Variants in ATXN7L3 observed in about 807,000 individuals in gnomAD.
ATXN7L3 encodes the protein ataxin 7 like 3.
ATXN7L3 carries 6 observed loss-of-function variants against 50.0 expected under a neutral mutation model. The observed-to-expected ratio is 0.12, with a 90% CI of 0.07 to 0.24. The LOEUF is 0.24. ATXN7L3 is among the 10% of genes least tolerant of loss of function. The pLI is 1.00. For synonymous variants in ATXN7L3, 198 were observed against 165.8 expected (o/e 1.19, Z -1.49); for missense variants, 322 against 451.3 (o/e 0.71, Z 2.60).
chr17:44,195,906 A>AG (rs567691192), intron 7 of ATXN7L3, 78 bp from the exon 8 acceptor site: 1 of 1,572,010 alleles, frequency 6.4e-7, no homozygotes, highest in South Asian at 1.2e-5. Context: ...CCAGAGAGGA[A>AG]GTGGGGGTGA....
intron 1 of ATXN7L3, 31 bp from the exon 2 acceptor site, chr17:44,198,161 G>A: frequency 7.6e-7 from 1 of 1,319,548 alleles, no homozygotes; most frequent in Non-Finnish European, 1.1e-6. Context: ...GTGTTGTTGT[G>A]AGTCCAAGGC....
rs1208163172 is a variant in ATXN7L3, at chr17:44,199,831, A to AGC, written c.-398_-397dup. 12 of 142,066 alleles carry AGC rather than the reference A, an allele frequency of 8.4e-5. No individual in the cohort carries two copies. Among genetic ancestry groups the AGC allele is most frequent in the African/African-American group, 1.6e-4 (6 of 37,958 alleles). 8.8% of individuals were successfully genotyped at this position (142,066 alleles called of 1,614,324 possible). A position where few individuals can be genotyped will look rare whatever the true frequency, so the allele number is the denominator to read the frequency against. On this transcript the variant is annotated 5_prime_UTR_variant, in exon 1 of 13. Coordinates refer to ENST00000587097, the MANE Select transcript of ATXN7L3 (RefSeq NM_001382309.1). ...GGCGGGGGGTGCGGCGCGAGCCCGG[A>AGC]GCGCGCGCGCGTGTGCCGCGACCGG...
Position 44,194,324 on chromosome 17 carries a change from T to C in ATXN7L3, c.983A>G (p.Lys328Arg). The change falls in exon 13 of 13, where the codon AAG becomes AGG. Residue 328 changes from lysine (K) to arginine (R), a missense_variant. Physicochemically the swap from Lys to Arg is conservative, Grantham distance 26. Coordinates refer to ENST00000587097, the MANE Select transcript of ATXN7L3 (RefSeq NM_001382309.1). ...VGTASGLGSN[K>R]KKKPKPPAPP... ...TGCCGGTGGCTTTGGCTTCTTCTTC[T>C]TGTTGGAACCTAGGCCGGAGGCAGT... 1 of 1,614,216 alleles carries C rather than the reference T, an allele frequency of 6.2e-7. No individual in the cohort carries two copies. Among genetic ancestry groups the C allele is most frequent in the South Asian group, 1.1e-5 (1 of 91,086 alleles).
intron 3 of ATXN7L3, 48 bp downstream of exon 3, chr17:44,197,550 C>A (rs767715062): frequency 6.2e-7 from 1 of 1,612,670 alleles, no homozygotes; most frequent in Non-Finnish European, 8.5e-7. Context: ...AAACTCCAGG[C>A]AGTCCCAGGG....
intron 1 of ATXN7L3, chr17:44,199,050 C>G (rs1349552913): frequency 6.6e-6 from 1 of 152,604 alleles, no homozygotes; most frequent in African/African-American, 2.4e-5. Context: ...TGCGGCACTG[C>G]TGCTGCATCA....
intron 1 of ATXN7L3, chr17:44,198,497 T>A (rs575948814): frequency 5.7e-6 from 1 of 176,330 alleles, no homozygotes; most frequent in Non-Finnish European, 1.2e-5. Context: ...GGCAAAGAAC[T>A]GCACAGACTC....
chr17:44,195,348 C>T lies in ATXN7L3; in HGVS notation c.621+71G>A, dbSNP rs1385414288. 2.2e-5 allele frequency: 33 copies of T among 1,515,510 alleles called. No individual in the cohort carries two copies. In the Admixed American group the frequency reaches 5.4e-4, roughly 25 times the overall value. The allele number at this position is 1,515,510 out of a possible 1,614,324, so 93.9% of individuals were successfully genotyped here. On this transcript the variant is annotated intron_variant, in intron 9 of 12. Coordinates refer to ENST00000587097, the MANE Select transcript of ATXN7L3 (RefSeq NM_001382309.1). ...TGACTGCTAGGTCACCAGCTTCCTC[C>T]CAGGCCTTGACCACTGCCTATGGCT...
At chr17:44,196,326 A>T (rs369506993) in intron 6 of ATXN7L3, 70 bp downstream of exon 6, 2 of 1,587,814 alleles carry the variant, frequency 1.3e-6, no homozygotes, top group African/African-American at 2.7e-5. Context: ...ACACTCGAGG[A>T]CTCCCTGCCC....
intron 5 of ATXN7L3, 109 bp downstream of exon 5, chr17:44,196,820 T>G: frequency 1.9e-6 from 1 of 538,266 alleles, no homozygotes; most frequent in East Asian, 4.2e-5. Flanking sequence ...ATCGCGTAAC[T>G]ACACTCTCTC....
intron 2 of ATXN7L3, 91 bp from the exon 3 acceptor site, chr17:44,197,821 A>C (rs1342881626): frequency 2.5e-6 from 4 of 1,580,574 alleles, no homozygotes; most frequent in Non-Finnish European, 3.5e-6. Context: ...GCCCCAGCCA[A>C]AAATCATGCT....
At position 44,196,991 on chromosome 17, in the gene ATXN7L3, C is replaced by T; in HGVS notation, c.392G>A (p.Ser131Asn). Residue 131 changes from serine to asparagine, a missense_variant, in exon 5 of 13, where the codon AGT (serine) becomes AAT (asparagine). Physicochemically the swap from Ser to Asn is conservative, Grantham distance 46. Transcript: ENST00000587097. ...ANSNNMNKSESDQEDNDDIND... is the reference protein window; with the variant it reads ...ANSNNMNKSENDQEDNDDIND... ...GATGTCATCATTATCTTCTTGGTCA[C>T]TCTCAGACTTATTCATATTGTTGCT... 6.2e-7 allele frequency: 1 copy of T among 1,613,672 alleles called. No individual in the cohort carries two copies. The highest frequency in any genetic ancestry group is 8.5e-7 in the Non-Finnish European group (1 of 1,179,776).
At chr17:44,194,494 T>C (rs1194231053) in intron 12 of ATXN7L3, 23 bp downstream of exon 12, 1 of 1,613,242 alleles carries the variant, frequency 6.2e-7, no homozygotes, top group East Asian at 2.2e-5. Context: ...ACAGAGCCCC[T>C]AGGGCCCAAC....
rs1466233111 is a variant in ATXN7L3, at chr17:44,197,695, C to T, written c.87G>A (p.Glu29=). Residue 29 remains glutamate (E), a synonymous_variant, in exon 3 of 13, where the codon GAG becomes GAA. Transcript: ENST00000587097. ...IAQEIYADLV[E]DSCLGFCFEV... ...CAAAGCAGAATCCCAAACAAGAATC[C>T]TCGACCAGGTCCGCGTATATCTCCT... 1 of 1,614,140 alleles carries T rather than the reference C, an allele frequency of 6.2e-7. No homozygotes were observed. The highest frequency in any genetic ancestry group is 1.3e-5 in the African/African-American group (1 of 74,942).
At chr17:44,197,055 C>A in intron 4 of ATXN7L3, 29 bp from the exon 5 acceptor site, 1 of 1,583,542 alleles carries the variant, frequency 6.3e-7, no homozygotes, top group South Asian at 1.1e-5. Flanking sequence ...AGAAAGGGGC[C>A]AAGGGGAAGG....
intron 2 of ATXN7L3, 65 bp from the exon 3 acceptor site, chr17:44,197,795 A>G (rs2055969043): frequency 6.2e-7 from 1 of 1,605,826 alleles, no homozygotes; most frequent in Non-Finnish European, 8.5e-7. Flanking sequence ...TCACCAACCA[A>G]ATCTGCTGCC....
At chr17:44,195,324 G>T in intron 9 of ATXN7L3, 95 bp downstream of exon 9, 1 of 1,419,606 alleles carries the variant, frequency 7.0e-7, no homozygotes, top group Non-Finnish European at 9.9e-7. Flanking sequence ...ATACGGCCCT[G>T]ACTGCTAGGT....
Position 44,194,313 on chromosome 17 carries a change from G to T in ATXN7L3, c.994C>A (p.Pro332Thr), listed in dbSNP as rs1567772840. Residue 332 changes from proline (P) to threonine (T), a missense_variant, in exon 13 of 13, where the codon CCA (proline) becomes ACA (threonine). By Grantham distance (38) the Pro-to-Thr change is conservative (BLOSUM62 -1). Around this residue, in one of 5 missense-constraint regions of ATXN7L3, gnomAD observed 122 missense variants for 130.8 expected, o/e 0.93. Coordinates refer to ENST00000587097, the MANE Select transcript of ATXN7L3 (RefSeq NM_001382309.1). ...GGCGTCGGGGGTGCCGGTGGCTTTG[G>T]CTTCTTCTTCTTGTTGGAACCTAGG... ...SGLGSNKKKK[P>T]KPPAPPTPSI... is the part of the protein sequence containing the mutation. 1 of 1,614,144 alleles carries T rather than the reference G, an allele frequency of 6.2e-7. No homozygotes were observed. Among genetic ancestry groups the T allele is most frequent in the East Asian group, 2.2e-5 (1 of 44,880 alleles).
At position 44,195,144 on chromosome 17, in the gene ATXN7L3, G is replaced by A. The variant is rs200514947; in HGVS notation, c.622-4C>T. On this transcript the variant is annotated splice_polypyrimidine_tract_variant and splice_region_variant and intron_variant, in intron 9 of 12. Transcript: ENST00000587097. ...GTTCAGAAATCACCCCACATTGCTG[G>A]AAGAGGAATATAAGCTGAAAGGAGG... 2.4e-4 allele frequency: 394 copies of A among 1,613,726 alleles called. No individual in the cohort carries two copies. The highest frequency in any genetic ancestry group is 3.2e-4 in the Admixed American group (19 of 59,998).
intron 6 of ATXN7L3, 125 bp downstream of exon 6, chr17:44,196,271 C>A: frequency 7.9e-7 from 1 of 1,271,342 alleles, no homozygotes; most frequent in Non-Finnish European, 1.1e-6. Flanking sequence ...CCCGGACCCA[C>A]CAAAGACACC....
Sources: allele counts gnomAD v4.1 joint callset, GRCh38; gene constraint gnomAD v4.1.1; regional missense constraint gnomAD v4.1.1; transcripts MANE v1.5; gene names NCBI Gene and HGNC (gene_info 2026-07-23, HGNC 2026-07-21).